GXYLT1: variants seen among roughly 807,000 people sequenced by gnomAD.
GXYLT1 encodes the protein glucoside xylosyltransferase 1, also known as glycosyltransferase 8 domain containing 3.
GXYLT1 carries 29 observed loss-of-function variants against 54.0 expected under a neutral mutation model. The observed-to-expected ratio is 0.54, with a 90% confidence interval of 0.40 to 0.73. GXYLT1 has a LOEUF of 0.73. GXYLT1 is among the 30% of genes least tolerant of loss of function. GXYLT1 has a pLI of 0.00. For synonymous variants in GXYLT1, 176 were observed against 204.1 expected, an observed-to-expected ratio of 0.86 and a Z score of 1.17; for missense variants, 490 against 553.4, an observed-to-expected ratio of 0.89 and a Z score of 1.15.
chr12:42,119,298 C>T lies in GXYLT1; in HGVS notation c.315-127G>A, dbSNP rs824690. 6.0e-3 allele frequency: 4,320 copies of T among 724,186 alleles called. 166 individuals carry two copies. In the African/African-American group the frequency reaches 0.069, roughly 12 times the overall value. 44.9% of individuals were successfully genotyped at this position (724,186 alleles called of 1,614,324 possible). A position where few individuals can be genotyped will look rare whatever the true frequency, so the allele number is the denominator to read the frequency against. ...ACTCATGCCTGCAGTCCCAGCTACA[C>T]GGGAAGCTAAGGCAGGAGGATCACT... On this transcript the variant is annotated intron_variant, in intron 2 of 7. Transcript: ENST00000398675.
chr12:42,092,169 C>T (rs1394142677), intron 7 of GXYLT1, among the ~76,000 whole-genome samples: 3 of 152,210 alleles, frequency 2.0e-5, no homozygotes, highest in African/African-American at 4.8e-5. Context: ...GATGAGGCTA[C>T]ATAGACCAGA....
chr12:42,127,600 C>T (rs189583259), intron 2 of GXYLT1, among the ~76,000 whole-genome samples: 192 of 152,256 alleles, frequency 1.3e-3, no homozygotes, highest in African/African-American at 4.4e-3. Flanking sequence ...GTAAATTTCC[C>T]TGGGACACTC....
chr12:42,092,769 G>T (rs1192264298), intron 7 of GXYLT1, among the ~76,000 whole-genome samples: 5 of 152,244 alleles, frequency 3.3e-5, no homozygotes, highest in African/African-American at 9.6e-5. Context: ...TAAAGCAGGG[G>T]TGTCCAATCT....
intron 3 of GXYLT1, among the ~76,000 whole-genome samples, chr12:42,115,596 G>C (rs2065489116): frequency 6.6e-6 from 1 of 151,990 alleles, no homozygotes. Flanking sequence ...CCTCTTCAAG[G>C]ACAACTACAA....
chr12:42,119,332 A>G (rs1346530345), intron 2 of GXYLT1, among the ~76,000 whole-genome samples, 161 bp from the exon 3 acceptor site: 2 of 152,128 alleles, frequency 1.3e-5, no homozygotes, highest in Middle Eastern at 3.2e-3. Flanking sequence ...CTTGAAACCA[A>G]GAGTTCAATG....
intron 5 of GXYLT1, among the ~76,000 whole-genome samples, chr12:42,104,255 A>T (rs34619182): frequency 0.14 from 21,371 of 149,026 alleles, 1,671 homozygotes; most frequent in Non-Finnish European, 0.18. Context: ...GAGAAGTCAC[A>T]TTTTTTTTTT....
At chr12:42,118,853 T>C in intron 3 of GXYLT1, 147 bp downstream of exon 3, 1 of 628,502 alleles carries the variant, frequency 1.6e-6, no homozygotes, top group Non-Finnish European at 2.6e-6. Flanking sequence ...AATGCTGAAC[T>C]GTGAGTCAAT....
chr12:42,112,559 G>A (rs533324226), intron 3 of GXYLT1, among the ~76,000 whole-genome samples: 3 of 152,184 alleles, frequency 2.0e-5, no homozygotes, highest in East Asian at 3.9e-4. Flanking sequence ...AAGACGAAAC[G>A]AATGAAATGA....
intron 1 of GXYLT1, among the ~76,000 whole-genome samples, chr12:42,133,014 G>A (rs1274379762): frequency 1.3e-5 from 2 of 152,198 alleles, no homozygotes; most frequent in Admixed American, 1.3e-4. Context: ...TGCACGCAGT[G>A]GTTCATGCCT....
At position 42,086,665 on chromosome 12, in the gene GXYLT1, T is replaced by C. The variant is rs994039962; in HGVS notation, c.*1121A>G. ...AACTGTCTTAGGTGATATTCAAAAA[T>C]GCACATCAACCCAATTAAAACCACA... On this transcript the variant is annotated 3_prime_UTR_variant, in exon 8 of 8. Transcript: ENST00000398675. The C allele has an allele frequency of 7.9e-5, 12 of 151,816 alleles. No individual in the cohort carries two copies. Among genetic ancestry groups the C allele is most frequent in the African/African-American group, 2.9e-4 (12 of 41,380 alleles). 9.4% of individuals were successfully genotyped at this position (151,816 alleles called of 1,614,324 possible).
chr12:42,137,668 A>C (rs1339570082), intron 1 of GXYLT1, among the ~76,000 whole-genome samples: 2 of 149,624 alleles, frequency 1.3e-5, no homozygotes, highest in African/African-American at 4.9e-5. Context: ...GAGGCAGGAG[A>C]ATGGCGTGAA....
At chr12:42,112,600 A>G (rs1229251527) in intron 3 of GXYLT1, among the ~76,000 whole-genome samples, 1 of 152,182 alleles carries the variant, frequency 6.6e-6, no homozygotes, top group Non-Finnish European at 1.5e-5. Context: ...GAAAAAAGAT[A>G]AAAAGAAACG....
chr12:42,130,737 G>C (rs2065589282), intron 1 of GXYLT1, among the ~76,000 whole-genome samples: 1 of 152,062 alleles, frequency 6.6e-6, no homozygotes, highest in Non-Finnish European at 1.5e-5. Context: ...GACTGCTTGA[G>C]GCTAGGAGTT....
chr12:42,098,181 C>T (rs1458058851), intron 5 of GXYLT1, 148 bp from the exon 6 acceptor site: 1 of 725,320 alleles, frequency 1.4e-6, no homozygotes, highest in East Asian at 2.7e-5. Context: ...ATTTCTAACC[C>T]TAAATGTGAG....
chr12:42,121,656 GA>G (rs71434385), intron 2 of GXYLT1, among the ~76,000 whole-genome samples: 27,657 of 144,472 alleles, frequency 0.19, 2,766 homozygotes, highest in South Asian at 0.28. Flanking sequence ...GTTTCTCAAG[GA>G]AAAAAAAAAA....
intron 3 of GXYLT1, among the ~76,000 whole-genome samples, chr12:42,118,618 T>C (rs1429639147): frequency 6.6e-6 from 1 of 152,214 alleles, no homozygotes; most frequent in Non-Finnish European, 1.5e-5. Context: ...TCATCTCAAA[T>C]TGTAATTCCC....
In GXYLT1 at chr12:42,097,999, T is replaced by C. The variant is rs750712160; in HGVS notation, c.899A>G (p.Asp300Gly). 3.1e-6 allele frequency: 5 copies of C among 1,608,284 alleles called. No homozygotes were observed. In the South Asian group the frequency reaches 4.4e-5, roughly 14 times the overall value. ...DMTTVRLQWG[D>G]ILMPLLKKYK... ...TTTTTTAAGCAATGGCATAAGTATATCTCCCCATTGTAGTCGTACAGTTGT... is the reference window on the plus strand; with the variant it reads ...TTTTTTAAGCAATGGCATAAGTATACCTCCCCATTGTAGTCGTACAGTTGT... Residue 300 changes from aspartate to glycine, a missense_variant, in exon 6 of 8, where the codon GAT becomes GGT. Asp to Gly is a moderately conservative substitution (Grantham distance 94). This residue lies in a region of GXYLT1 where 342 missense variants were observed against 342.6 expected (regional missense o/e 1.00). Coordinates refer to ENST00000398675, the MANE Select transcript of GXYLT1 (RefSeq NM_173601.2).
chr12:42,133,793 A>C (rs1242221819), intron 1 of GXYLT1, among the ~76,000 whole-genome samples: 1 of 152,176 alleles, frequency 6.6e-6, no homozygotes, highest in Non-Finnish European at 1.5e-5. Context: ...TCTAGTGGGG[A>C]GTAACAGAAT....
chr12:42,112,157 C>CA (rs2065461505), intron 3 of GXYLT1, among the ~76,000 whole-genome samples: 2 of 152,048 alleles, frequency 1.3e-5, no homozygotes, highest in Admixed American at 1.3e-4. Context: ...TCACCATCAT[C>CA]AAAGACCAAA....
Sources: gnomAD v4.1 joint callset for allele counts (sites outside exome capture counted in the v4.1 genomes callset) on GRCh38, gnomAD v4.1.1 for gene constraint, gnomAD v4.1.1 regional missense constraint, MANE v1.5 for transcripts, NCBI Gene and HGNC (gene_info 2026-07-23, HGNC 2026-07-21) for gene names.